Variants in ELL observed in about 807,000 individuals in gnomAD.
The protein encoded by ELL is elongation factor for RNA polymerase II, also known as RNA polymerase II elongation factor ELL.
In ELL, 18 loss-of-function variants were observed where a neutral mutation model predicts 64.0. The observed-to-expected ratio is 0.28, with a 90% CI of 0.19 to 0.42. ELL has a LOEUF of 0.42. ELL is among the 10% of genes least tolerant of loss of function. The pLI is 1.00. For synonymous variants in ELL, 399 were observed against 376.2 expected, an observed-to-expected ratio of 1.06 and a Z score of -0.70; for missense variants, 797 against 870.4, an observed-to-expected ratio of 0.92 and a Z score of 1.06.
intron 7 of ELL, 54 bp downstream of exon 7, chr19:18,451,498 C>T (rs574979231): frequency 8.4e-4 from 1,161 of 1,376,522 alleles, no homozygotes; most frequent in Non-Finnish European, 1.0e-3. Flanking sequence ...ACTGATGCAG[C>T]ACAGAGTGCC....
chr19:18,486,886 C>T (rs1379844366), intron 1 of ELL, among the ~76,000 whole-genome samples: 1 of 152,196 alleles, frequency 6.6e-6, no homozygotes, highest in Non-Finnish European at 1.5e-5. Flanking sequence ...ACATCTGGAC[C>T]TCAGGGATGT....
intron 7 of ELL, 31 bp downstream of exon 7, chr19:18,451,521 G>A (rs1307786559): frequency 2.1e-6 from 3 of 1,455,994 alleles, no homozygotes; most frequent in African/African-American, 3.0e-5. Flanking sequence ...GCAGGTGCTT[G>A]GGACAGTCAC....
chr19:18,458,388 GA>G, intron 5 of ELL, 59 bp from the exon 6 acceptor site: 1 of 1,576,734 alleles, frequency 6.3e-7, no homozygotes, highest in South Asian at 1.1e-5. Context: ...GGGGACTAGA[GA>G]AAAAAGATCT....
At position 18,501,183 on chromosome 19, in the gene ELL, C is replaced by G. The variant is rs945310234; in HGVS notation, c.135+20738G>C. Among the ~76,000 whole-genome samples the G allele has an allele frequency of 1.3e-5, 2 of 152,112 alleles. No individual in the cohort carries two copies. Among genetic ancestry groups the G allele is most frequent in the Non-Finnish European group, 2.9e-5 (2 of 68,022 alleles). ...CACCTCCAGGGGCCACGTAGACAACCTGTGACACAGTGAACCCCACTCCAC... is the reference window on the plus strand; with the variant it reads ...CACCTCCAGGGGCCACGTAGACAACGTGTGACACAGTGAACCCCACTCCAC... On this transcript the variant is annotated intron_variant, in intron 1 of 11. Transcript: ENST00000262809. This position sits in a 1 kb window ranked among gnomAD's most constrained non-coding sequence, Gnocchi z 4.5.
intron 1 of ELL, among the ~76,000 whole-genome samples, chr19:18,477,040 C>T (rs566291072): frequency 6.6e-6 from 1 of 152,154 alleles, no homozygotes; most frequent in African/African-American, 2.4e-5. Context: ...GAAAATGAGT[C>T]GGCACAAAGA....
At chr19:18,506,124 T>C (rs1975879638) in intron 1 of ELL, among the ~76,000 whole-genome samples, 1 of 152,160 alleles carries the variant, frequency 6.6e-6, no homozygotes, top group African/African-American at 2.4e-5. Context: ...TGCCCATGTG[T>C]GCCCAGGCTG....
At chr19:18,521,757 C>A (rs1029270632) in intron 1 of ELL, among the ~76,000 whole-genome samples, 164 bp downstream of exon 1, 2 of 152,224 alleles carry the variant, frequency 1.3e-5, no homozygotes, top group Non-Finnish European at 2.9e-5. Flanking sequence ...GTTCTCAGCG[C>A]TCCAGGCCGG....
At chr19:18,498,161 T>C (rs1052996344) in intron 1 of ELL, among the ~76,000 whole-genome samples, 7 of 151,702 alleles carry the variant, frequency 4.6e-5, no homozygotes, top group South Asian at 2.1e-4. Flanking sequence ...GGCTCATCCA[T>C]TGGAAACAAA....
intron 1 of ELL, among the ~76,000 whole-genome samples, chr19:18,488,118 G>A (rs776502449): frequency 4.6e-5 from 7 of 152,202 alleles, no homozygotes; most frequent in Admixed American, 1.3e-4. Context: ...GAAGGCACCC[G>A]GCAGGTGAGC....
chr19:18,481,054 C>T (rs537164637), intron 1 of ELL, among the ~76,000 whole-genome samples: 12 of 152,302 alleles, frequency 7.9e-5, no homozygotes, highest in Admixed American at 2.6e-4. Flanking sequence ...TCTACACGCT[C>T]CACGCACCTT....
At chr19:18,507,200 C>T (rs781255663) in intron 1 of ELL, among the ~76,000 whole-genome samples, 4 of 152,250 alleles carry the variant, frequency 2.6e-5, no homozygotes, top group Non-Finnish European at 5.9e-5. Flanking sequence ...GGAACACGCT[C>T]TTCTAGCTGC....
chr19:18,512,705 TCAA>T (rs1240586747), intron 1 of ELL, among the ~76,000 whole-genome samples: 1 of 152,148 alleles, frequency 6.6e-6, no homozygotes, highest in Non-Finnish European at 1.5e-5. Context: ...ATTTTTTGGG[TCAA>T]CGAGGAGAGC....
At chr19:18,460,985 G>A (rs1974799561) in intron 5 of ELL, among the ~76,000 whole-genome samples, 1 of 152,152 alleles carries the variant, frequency 6.6e-6, no homozygotes, top group Non-Finnish European at 1.5e-5. Context: ...GGGGGTGGAA[G>A]GCAGTCAGGG....
chr19:18,518,759 C>T lies in ELL; in HGVS notation c.135+3162G>A, dbSNP rs1427849632. Among the ~76,000 whole-genome samples, 3 of 151,784 alleles carry T rather than the reference C, an allele frequency of 2.0e-5. No homozygotes were observed. The East Asian group carries it at 5.8e-4, about 29-fold the overall frequency. ...TGAGCTGAGATCACGCCAGCGCAAT[C>T]CAGCTTGGGCGACAGGGCAAGACCC... On this transcript the variant is annotated intron_variant, in intron 1 of 11. Transcript: ENST00000262809.
At chr19:18,490,874 G>A (rs1975515101) in intron 1 of ELL, among the ~76,000 whole-genome samples, 1 of 152,162 alleles carries the variant, frequency 6.6e-6, no homozygotes, top group Non-Finnish European at 1.5e-5. Context: ...CCACTGGCCT[G>A]GGGAGGAGCC....
chr19:18,468,898 C>T (rs1054602566), intron 2 of ELL, among the ~76,000 whole-genome samples: 7 of 152,218 alleles, frequency 4.6e-5, no homozygotes, highest in African/African-American at 1.7e-4. Flanking sequence ...TACACCCAGT[C>T]AGCACTGACA....
chr19:18,458,449 C>T, intron 5 of ELL, 120 bp from the exon 6 acceptor site: 2 of 1,467,928 alleles, frequency 1.4e-6, no homozygotes, highest in Admixed American at 2.0e-5. Context: ...CAGACAGAGA[C>T]AGAGGAGAGG....
rs1261989493 is a variant in ELL, at chr19:18,501,430, C to T, written c.135+20491G>A. Among the ~76,000 whole-genome samples, 4 of 152,238 alleles carry T rather than the reference C, an allele frequency of 2.6e-5. 1 individual carries two copies. The South Asian group carries it at 6.2e-4, about 24-fold the overall frequency. On this transcript the variant is annotated intron_variant, in intron 1 of 11. Coordinates refer to ENST00000262809, the MANE Select transcript of ELL (RefSeq NM_006532.4). The surrounding 1 kb of genome is among the most constrained non-coding windows in gnomAD (Gnocchi z 4.5). The stretch of plus-strand genomic sequence containing the variant: ...CCCACTGTTGGCGAGGAGGGGCCCA[C>T]GCCTCAACAATGAGGCGGACCCTCC...
rs753082461 is a variant in ELL, at chr19:18,522,063, C to G, written c.-8G>C. ...CTCCTTCAGCGCCGCCATCTTGCGA[C>G]CATCTCTCCCCCGCGCCCCCTTCCC... On this transcript the variant is annotated 5_prime_UTR_variant, in exon 1 of 12. Transcript: ENST00000262809. The G allele has an allele frequency of 2.5e-6, 4 of 1,594,496 alleles. No homozygotes were observed. The highest frequency in any genetic ancestry group is 1.1e-5 in the South Asian group (1 of 89,666).
Sources: gnomAD v4.1 joint callset for allele counts (sites outside exome capture counted in the v4.1 genomes callset) on GRCh38, gnomAD v4.1.1 for gene constraint, Gnocchi (gnomAD v3.1) non-coding constraint, MANE v1.5 for transcripts, NCBI Gene and HGNC (gene_info 2026-07-23, HGNC 2026-07-21) for gene names.